EVI5: variants seen among roughly 807,000 people sequenced by gnomAD.
EVI5 encodes the protein ecotropic viral integration site 5 protein homolog.
EVI5 carries 73 observed loss-of-function variants against 112.0 expected under a neutral mutation model. The ratio of observed to expected loss-of-function variants is 0.65; its 90% confidence interval spans 0.54 to 0.79. The LOEUF is 0.79. Ranked by LOEUF, EVI5 falls within the 30% of genes least tolerant of loss-of-function variation. The pLI is 0.00. For missense variants in EVI5, 900 were observed against 968.8 expected (o/e 0.93, Z 0.94); for synonymous variants, 305 against 319.9 (o/e 0.95, Z 0.50).
chr1:92,619,813 C>T (rs557341251), intron 16 of EVI5, among the ~76,000 whole-genome samples: 2 of 151,306 alleles, frequency 1.3e-5, no homozygotes, highest in South Asian at 2.1e-4. Context: ...CAGTAACAGA[C>T]GTAAAGAATA....
intron 17 of EVI5, among the ~76,000 whole-genome samples, chr1:92,606,282 C>T (rs1650361528): frequency 6.6e-6 from 1 of 152,188 alleles, no homozygotes; most frequent in African/African-American, 2.4e-5. Flanking sequence ...GAACACTTTA[C>T]TTTGCTCAAC....
intron 11 of EVI5, among the ~76,000 whole-genome samples, 182 bp from the exon 12 acceptor site, chr1:92,663,634 T>C (rs1451303852): frequency 6.6e-6 from 1 of 152,230 alleles, no homozygotes; most frequent in African/African-American, 2.4e-5. Context: ...GAAAAATATA[T>C]AAAAACAAGG....
At chr1:92,639,561 T>A (rs925255152) in intron 13 of EVI5, among the ~76,000 whole-genome samples, 1 of 152,170 alleles carries the variant, frequency 6.6e-6, no homozygotes, top group Admixed American at 6.5e-5. Context: ...TAAGTATACA[T>A]TAAGCTTTTA....
rs146234705 is a variant in EVI5 at position 92,700,565 on chromosome 1, T to C, written c.639+1576A>G. ...ACTCCAATGGTGGTAATAATACTTA[T>C]TGAAGTTAATATCTCTACCACCACT... is the stretch of plus-strand genomic sequence containing the variant. On this transcript the variant is annotated intron_variant, in intron 5 of 19. Transcript: ENST00000684568. Among the ~76,000 whole-genome samples, 376 of 152,306 alleles carry C rather than the reference T, an allele frequency of 2.5e-3. 5 individuals carry two copies. Among genetic ancestry groups the C allele is most frequent in the African/African-American group, 8.8e-3 (364 of 41,562 alleles).
At chr1:92,578,511 C>G (rs1350340340) in intron 18 of EVI5, among the ~76,000 whole-genome samples, 1 of 151,726 alleles carries the variant, frequency 6.6e-6, no homozygotes, top group Non-Finnish European at 1.5e-5. Context: ...GTCAGGAGAT[C>G]GAGACCATCC....
intron 18 of EVI5, among the ~76,000 whole-genome samples, chr1:92,596,464 T>C (rs56144352): frequency 0.055 from 8,386 of 152,280 alleles, 616 homozygotes; most frequent in African/African-American, 0.16. Flanking sequence ...CTTAGAACAC[T>C]GCCTGGTATG....
chr1:92,532,350 C>A (rs1036535077), intron 19 of EVI5, among the ~76,000 whole-genome samples: 1 of 151,970 alleles, frequency 6.6e-6, no homozygotes, highest in African/African-American at 2.4e-5. Flanking sequence ...AATTTAACAC[C>A]CCACTGTCAA....
At chr1:92,664,284 A>G (rs1019538126) in intron 11 of EVI5, among the ~76,000 whole-genome samples, 2 of 152,226 alleles carry the variant, frequency 1.3e-5, no homozygotes, top group African/African-American at 2.4e-5. Flanking sequence ...TTTTTATTAC[A>G]GAATTCAATT....
chr1:92,513,289 A>G lies in EVI5; in HGVS notation c.*367T>C, dbSNP rs1280738287. 1 of 152,270 alleles carries G rather than the reference A, an allele frequency of 6.6e-6. No individual in the cohort carries two copies. Among genetic ancestry groups the G allele is most frequent in the Non-Finnish European group, 1.5e-5 (1 of 68,024 alleles). The allele number at this position is 152,270 out of a possible 1,614,324, so 9.4% of individuals were successfully genotyped here. On this transcript the variant is annotated 3_prime_UTR_variant, in exon 20 of 20. Transcript: ENST00000684568. ...CTCACTGAGCATAAAATATTGCACA[A>G]GAGCAGTTTTGTCTGAAGAAAATTC...
At chr1:92,620,303 AC>A (rs1654244485) in intron 16 of EVI5, among the ~76,000 whole-genome samples, 1 of 150,948 alleles carries the variant, frequency 6.6e-6, no homozygotes, top group Non-Finnish European at 1.5e-5. Flanking sequence ...CTGAGATCAC[AC>A]CATTGCACTC....
chr1:92,583,895 A>G (rs1480172794), intron 18 of EVI5, among the ~76,000 whole-genome samples: 1 of 152,208 alleles, frequency 6.6e-6, no homozygotes, highest in Non-Finnish European at 1.5e-5. Flanking sequence ...ATGGGTTACA[A>G]ATAGGTATCA....
At chr1:92,664,039 C>T (rs1664471497) in intron 11 of EVI5, among the ~76,000 whole-genome samples, 1 of 152,162 alleles carries the variant, frequency 6.6e-6, no homozygotes, top group African/African-American at 2.4e-5. Context: ...TGAGCCACTG[C>T]ACTCAGTCAA....
chr1:92,750,238 T>C (rs771558753), intron 1 of EVI5, among the ~76,000 whole-genome samples: 1 of 152,118 alleles, frequency 6.6e-6, no homozygotes, highest in Middle Eastern at 3.4e-3. Flanking sequence ...GACAGAGGGA[T>C]AGAGAATTAA....
At chr1:92,642,207 AAG>A (rs959046873) in intron 13 of EVI5, among the ~76,000 whole-genome samples, 2 of 152,198 alleles carry the variant, frequency 1.3e-5, no homozygotes, top group African/African-American at 4.8e-5. Context: ...ATCCTTTAAG[AAG>A]ACATTTACCT....
chr1:92,630,731 G>A (rs1656854890), intron 14 of EVI5, among the ~76,000 whole-genome samples: 3 of 152,164 alleles, frequency 2.0e-5, no homozygotes, highest in Admixed American at 6.5e-5. Context: ...TTTTAGACAT[G>A]AAGTCCTTGC....
At chr1:92,792,393 A>G (rs1686163981) in exon 1 of EVI5, 2 of 1,609,558 alleles carry the variant, frequency 1.2e-6, no homozygotes, top group Non-Finnish European at 1.7e-6. Context: ...GTTGGTAACC[A>G]TGATAAGCAG....
At chr1:92,552,306 T>A (rs551110056) in intron 19 of EVI5, among the ~76,000 whole-genome samples, 38 of 152,252 alleles carry the variant, frequency 2.5e-4, no homozygotes, top group African/African-American at 8.4e-4. Context: ...GTCAAGAAAT[T>A]CACAATTCAG....
intron 19 of EVI5, among the ~76,000 whole-genome samples, chr1:92,555,017 T>A (rs1667475808): frequency 6.6e-6 from 1 of 152,144 alleles, no homozygotes; most frequent in Non-Finnish European, 1.5e-5. Flanking sequence ...AATGGGTTTT[T>A]AAAATATAAG....
chr1:92,591,114 C>T (rs1673789934), intron 18 of EVI5, among the ~76,000 whole-genome samples: 1 of 152,156 alleles, frequency 6.6e-6, no homozygotes, highest in African/African-American at 2.4e-5. Flanking sequence ...CTGAAGGAAG[C>T]ACTAAACATG....
Sources: gnomAD v4.1 joint callset for allele counts (sites outside exome capture counted in the v4.1 genomes callset) on GRCh38, gnomAD v4.1.1 for gene constraint, MANE v1.5 for transcripts, NCBI Gene and HGNC (gene_info 2026-07-23, HGNC 2026-07-21) for gene names.